Variants in CACNA1I observed in about 807,000 individuals in gnomAD.
The protein encoded by CACNA1I is voltage-dependent T-type calcium channel subunit alpha-1I.
A neutral mutation model predicts 201.6 loss-of-function variants in CACNA1I; 74 were observed. That is an observed-to-expected ratio of 0.37 (90% CI 0.30 to 0.45). The LOEUF (loss-of-function observed/expected upper bound fraction) is 0.45. Ranked by LOEUF, CACNA1I falls within the 20% of genes least tolerant of loss-of-function variation. CACNA1I has a pLI of 1.00. For synonymous variants in CACNA1I, 1,431 were observed against 1,345.2 expected (o/e 1.06, Z -1.40); for missense variants, 2,346 against 3,138.1 (o/e 0.75, Z 6.03).
chr22:39,615,175 C>T (rs1933495417), intron 3 of CACNA1I, among the ~76,000 whole-genome samples: 1 of 152,184 alleles, frequency 6.6e-6, no homozygotes, highest in South Asian at 2.1e-4. Context: ...GAGATAGCTT[C>T]CTCCATCCCA....
Position 39,660,390 on chromosome 22 carries a change from A to G in CACNA1I, c.2651A>G (p.Asn884Ser), listed in dbSNP as rs980031199. The change falls in exon 15 of 37, where the codon AAC becomes AGC. Residue 884 changes from asparagine (N) to serine (S), a missense_variant. Coordinates refer to ENST00000402142, the MANE Select transcript of CACNA1I (RefSeq NM_021096.4). Reference sequence around the variant, plus strand: ...TCGGACGAGGACCAGAGCTCATCCAACATAGAAGAGTTTGATAAGCTCCAG... The same window carrying G: ...TCGGACGAGGACCAGAGCTCATCCAGCATAGAAGAGTTTGATAAGCTCCAG... ...SYSDEDQSSSNIEEFDKLQEG... is the reference protein window; with the variant it reads ...SYSDEDQSSSSIEEFDKLQEG... 7 of 1,612,852 alleles carry G rather than the reference A, an allele frequency of 4.3e-6. No homozygotes were observed. The highest frequency in any genetic ancestry group is 5.1e-6 in the Non-Finnish European group (6 of 1,179,718).
At chr22:39,581,890 C>T (rs1234508075) in intron 1 of CACNA1I, among the ~76,000 whole-genome samples, 2 of 152,200 alleles carry the variant, frequency 1.3e-5, no homozygotes, top group African/African-American at 4.8e-5. Flanking sequence ...TCTAGTCTTC[C>T]TCTTCTTCCC....
intron 3 of CACNA1I, among the ~76,000 whole-genome samples, chr22:39,610,929 A>G (rs911620312): frequency 6.6e-6 from 1 of 152,040 alleles, no homozygotes; most frequent in Non-Finnish European, 1.5e-5. Flanking sequence ...GCATGTGCTC[A>G]TCCCTAAGCC....
At chr22:39,642,407 C>T (rs1934373138) in intron 6 of CACNA1I, among the ~76,000 whole-genome samples, 1 of 152,028 alleles carries the variant, frequency 6.6e-6, no homozygotes, top group South Asian at 2.1e-4. Flanking sequence ...CGAGCTGCAC[C>T]CCAGCTCTGC....
At chr22:39,627,430 C>T (rs113520632) in intron 4 of CACNA1I, among the ~76,000 whole-genome samples, 4,232 of 152,316 alleles carry the variant, frequency 0.028, 198 homozygotes, top group African/African-American at 0.095. Context: ...GCGCCCCGAA[C>T]GGCACACACA....
intron 2 of CACNA1I, 56 bp downstream of exon 2, chr22:39,598,318 TATGCCCCGCCC>T: frequency 1.7e-6 from 1 of 604,684 alleles, no homozygotes; most frequent in Non-Finnish European, 2.3e-6. Context: ...GGACCCGGCC[TATGCCCCGCCC>T]ACTCCACACC....
At chr22:39,572,256 G>A (rs1932208914) in intron 1 of CACNA1I, among the ~76,000 whole-genome samples, 2 of 152,068 alleles carry the variant, frequency 1.3e-5, no homozygotes, top group East Asian at 3.9e-4. Flanking sequence ...GGAGGCTTGG[G>A]GACCCAAGCC....
At chr22:39,592,305 AGTGT>A (rs1932831742) in intron 1 of CACNA1I, among the ~76,000 whole-genome samples, 1 of 151,862 alleles carries the variant, frequency 6.6e-6, no homozygotes. Context: ...GGCTGTGCCG[AGTGT>A]GTGGGGAAAC....
chr22:39,679,688 C>A, intron 32 of CACNA1I, 34 bp from the exon 33 acceptor site: 1 of 1,557,832 alleles, frequency 6.4e-7, no homozygotes, highest in Non-Finnish European at 8.7e-7. Context: ...GGCTGATAAT[C>A]CCGCCTGTCC....
chr22:39,672,351 C>T, intron 27 of CACNA1I, 43 bp downstream of exon 27: 2 of 1,314,708 alleles, frequency 1.5e-6, no homozygotes, highest in Non-Finnish European at 1.1e-6. Context: ...GGGTAGACTG[C>T]AGGATGAAGA....
Position 39,665,393 on chromosome 22 carries a change from G to T in CACNA1I, c.3852-105G>T. 1 of 1,368,126 alleles carries T rather than the reference G, an allele frequency of 7.3e-7. No individual in the cohort carries two copies. The highest frequency in any genetic ancestry group is 1.3e-5 in the South Asian group (1 of 76,164). The allele number at this position is 1,368,126 out of a possible 1,614,324, so 84.7% of individuals were successfully genotyped here. ...GTGTTCAGCCCTGGTGAGCCCTGGG[G>T]ACTCATGCCCTGGGATACTCAGCCC... On this transcript the variant is annotated intron_variant, in intron 21 of 36. Coordinates refer to ENST00000402142, the MANE Select transcript of CACNA1I (RefSeq NM_021096.4). This position sits in a 1 kb window ranked among gnomAD's most constrained non-coding sequence, Gnocchi z 5.5.
intron 3 of CACNA1I, among the ~76,000 whole-genome samples, chr22:39,618,289 C>CCTG (rs1555905023): frequency 1.4e-5 from 2 of 146,598 alleles, no homozygotes; most frequent in East Asian, 4.1e-4. Flanking sequence ...GTGTGTGTGA[C>CCTG]TGTGTGTGCA....
chr22:39,620,746 GT>G, intron 4 of CACNA1I, among the ~76,000 whole-genome samples: 1 of 130,522 alleles, frequency 7.7e-6, no homozygotes, highest in Admixed American at 8.0e-5. Context: ...GTTGTTGTTT[GT>G]TTGTTTGTTT....
At chr22:39,627,028 A>G (rs919049007) in intron 4 of CACNA1I, among the ~76,000 whole-genome samples, 1 of 152,200 alleles carries the variant, frequency 6.6e-6, no homozygotes, top group Non-Finnish European at 1.5e-5. Context: ...CTGGGGACAG[A>G]GCTAGGGTTT....
intron 4 of CACNA1I, among the ~76,000 whole-genome samples, chr22:39,623,076 C>T (rs957819211): frequency 1.3e-5 from 2 of 152,202 alleles, no homozygotes; most frequent in African/African-American, 4.8e-5. Flanking sequence ...TGTGATGGGA[C>T]CGCTGAGGCT....
chr22:39,659,141 T>C lies in CACNA1I; in HGVS notation c.2330+25T>C. 2 of 1,609,390 alleles carry C rather than the reference T, an allele frequency of 1.2e-6. No individual in the cohort carries two copies. Among genetic ancestry groups the C allele is most frequent in the Non-Finnish European group, 1.7e-6 (2 of 1,178,560 alleles). ...GGTGAGCCTGCCCTGCTGGGGGCCA[T>C]ACCTCAGCACCTGCTGGGGCTGTGG... is the stretch of plus-strand genomic sequence containing the variant. On this transcript the variant is annotated intron_variant, in intron 12 of 36. Coordinates refer to ENST00000402142, the MANE Select transcript of CACNA1I (RefSeq NM_021096.4). This position sits in a 1 kb window ranked among gnomAD's most constrained non-coding sequence, Gnocchi z 4.3.
In CACNA1I at chr22:39,685,662, G is replaced by A; in HGVS notation, c.6028-99G>A. On this transcript the variant is annotated intron_variant, in intron 36 of 36. Coordinates refer to ENST00000402142, the MANE Select transcript of CACNA1I (RefSeq NM_021096.4). This position sits in a 1 kb window ranked among gnomAD's most constrained non-coding sequence, Gnocchi z 5.0. Reference sequence around the variant, plus strand: ...CTGCTCCGAAGGGAGCTCCTTGGATGGGGTCTGCCTGCTGCCTGCTGTGCG... The same window carrying A: ...CTGCTCCGAAGGGAGCTCCTTGGATAGGGTCTGCCTGCTGCCTGCTGTGCG... The A allele has an allele frequency of 9.7e-7, 1 of 1,032,704 alleles. No homozygotes were observed. The highest frequency in any genetic ancestry group is 2.0e-5 in the South Asian group (1 of 49,594). 64.0% of individuals were successfully genotyped at this position (1,032,704 alleles called of 1,614,324 possible).
At chr22:39,609,047 G>A (rs770188062) in intron 3 of CACNA1I, among the ~76,000 whole-genome samples, 3 of 151,342 alleles carry the variant, frequency 2.0e-5, no homozygotes, top group Non-Finnish European at 4.4e-5. Flanking sequence ...CCCCATCAGT[G>A]GGACTTCAAA....
At chr22:39,682,255 G>A (rs1935726819) in intron 34 of CACNA1I, among the ~76,000 whole-genome samples, 1 of 152,214 alleles carries the variant, frequency 6.6e-6, no homozygotes, top group Non-Finnish European at 1.5e-5. Flanking sequence ...TGGCTTCTTC[G>A]CTGGGCCAGG....
Sources: allele counts gnomAD v4.1 joint callset (sites outside exome capture counted in the v4.1 genomes callset), GRCh38; gene constraint gnomAD v4.1.1; non-coding constraint Gnocchi (gnomAD v3.1); transcripts MANE v1.5; gene names NCBI Gene and HGNC (gene_info 2026-07-23, HGNC 2026-07-21).